Variants in DTNA observed in about 807,000 individuals in gnomAD.
The protein encoded by DTNA is dystrophin-related protein 3.
Under a neutral mutation model 100.7 loss-of-function variants are expected in DTNA, and 43 were observed. The observed-to-expected ratio is 0.43, with a 90% CI of 0.33 to 0.55. The LOEUF is 0.55. Ranked by LOEUF, DTNA falls within the 20% of genes least tolerant of loss-of-function variation. The pLI is 0.04. For synonymous variants in DTNA, 349 were observed against 347.9 expected, an observed-to-expected ratio of 1.00 and a Z score of -0.04; for missense variants, 798 against 953.9, an observed-to-expected ratio of 0.84 and a Z score of 2.15.
At chr18:34,801,487 A>G (rs2095209156) in intron 4 of DTNA, among the ~76,000 whole-genome samples, 1 of 150,344 alleles carries the variant, frequency 6.7e-6, no homozygotes, top group African/African-American at 2.4e-5. Flanking sequence ...ACAAAATACT[A>G]TTATTTTATT....
At chr18:34,712,096 C>G (rs1324412479) in intron 1 of DTNA, among the ~76,000 whole-genome samples, 1 of 151,556 alleles carries the variant, frequency 6.6e-6, no homozygotes, top group Non-Finnish European at 1.5e-5. Context: ...CTGACAATAT[C>G]TGAGGTAGAA....
At chr18:34,852,934 G>A (rs1206265562) in intron 15 of DTNA, among the ~76,000 whole-genome samples, 4 of 152,174 alleles carry the variant, frequency 2.6e-5, no homozygotes, top group African/African-American at 7.2e-5. Context: ...AAATAATCAT[G>A]TGTGTTTGTT....
intron 3 of DTNA, among the ~76,000 whole-genome samples, chr18:34,780,481 A>G (rs997542438): frequency 2.0e-5 from 3 of 152,252 alleles, no homozygotes; most frequent in Non-Finnish European, 2.9e-5. Flanking sequence ...TTACTTTCTC[A>G]GAAAAATAAT....
intron 1 of DTNA, among the ~76,000 whole-genome samples, chr18:34,735,336 C>A (rs1032812288): frequency 1.2e-4 from 18 of 152,148 alleles, no homozygotes; most frequent in African/African-American, 4.3e-4. Context: ...ATTTTGGCAG[C>A]ACCCTTGCAG....
At chr18:34,831,868 CA>C (rs2096019090) in intron 11 of DTNA, among the ~76,000 whole-genome samples, 1 of 152,206 alleles carries the variant, frequency 6.6e-6, no homozygotes, top group African/African-American at 2.4e-5. Context: ...CCAAGAGGAG[CA>C]GAAATTGTGA....
intron 5 of DTNA, among the ~76,000 whole-genome samples, chr18:34,807,562 A>G (rs1193070099): frequency 6.6e-6 from 1 of 152,130 alleles, no homozygotes; most frequent in South Asian, 2.1e-4. Context: ...TGTTCCTTTG[A>G]AATTTCCCTG....
chr18:34,695,496 G>T (rs2080399122), intron 1 of DTNA, among the ~76,000 whole-genome samples: 2 of 152,238 alleles, frequency 1.3e-5, no homozygotes, highest in South Asian at 4.1e-4. Context: ...GTAACCAGTG[G>T]AGGCGCTAAC....
At chr18:34,523,805 G>A (rs2042361601) in intron 1 of DTNA, among the ~76,000 whole-genome samples, 1 of 152,172 alleles carries the variant, frequency 6.6e-6, no homozygotes, top group Admixed American at 6.5e-5. Flanking sequence ...ACAATATCTA[G>A]TGATGGCTTT....
At chr18:34,870,391 A>G (rs2096753448) in intron 17 of DTNA, among the ~76,000 whole-genome samples, 1 of 152,074 alleles carries the variant, frequency 6.6e-6, no homozygotes, top group Non-Finnish European at 1.5e-5. Context: ...GGCTTTTCCT[A>G]GCTCATCCTC....
chr18:34,580,630 A>G (rs2048523647), intron 1 of DTNA, among the ~76,000 whole-genome samples: 1 of 152,188 alleles, frequency 6.6e-6, no homozygotes, highest in Admixed American at 6.5e-5. Context: ...TGCCTCAGAG[A>G]TGTCTGCGTA....
chr18:34,823,479 C>A (rs577149335), intron 9 of DTNA, among the ~76,000 whole-genome samples: 2 of 152,120 alleles, frequency 1.3e-5, no homozygotes, highest in South Asian at 4.1e-4. Flanking sequence ...CCACTTAATG[C>A]GCTTAATTTA....
chr18:34,711,272 A>G (rs1363307286), intron 1 of DTNA, among the ~76,000 whole-genome samples: 2 of 152,198 alleles, frequency 1.3e-5, no homozygotes, highest in Admixed American at 1.3e-4. Flanking sequence ...GTACACACAG[A>G]GCAAGTTAAA....
rs112092342 is a variant in DTNA at position 34,772,536 on chromosome 18, G to T, written c.148+6495G>T. Among the ~76,000 whole-genome samples the T allele has an allele frequency of 6.7e-3, 1,010 of 151,106 alleles. 16 individuals are homozygous for T. The highest frequency in any genetic ancestry group is 0.023 in the African/African-American group (950 of 41,340). On this transcript the variant is annotated intron_variant, in intron 3 of 22. Transcript: ENST00000444659. ...CACTAGATTCATTTCTCACCAGTCA[G>T]GTGACTAGAAGAACGCTGGTCTTAT...
intron 1 of DTNA, among the ~76,000 whole-genome samples, chr18:34,698,761 A>C (rs368233166): frequency 1.1e-4 from 17 of 152,090 alleles, no homozygotes; most frequent in East Asian, 9.6e-4. Context: ...CAGAAGACTA[A>C]AACAGTCTAA....
intron 1 of DTNA, among the ~76,000 whole-genome samples, chr18:34,514,820 C>G (rs889930138): frequency 6.6e-6 from 1 of 151,934 alleles, no homozygotes; most frequent in Admixed American, 6.6e-5. Flanking sequence ...AAGGTTTTGT[C>G]CTCATGACCT....
chr18:34,562,736 G>A lies in DTNA; in HGVS notation c.-2+69222G>A, dbSNP rs558409695. Among the ~76,000 whole-genome samples the A allele has an allele frequency of 8.5e-5, 13 of 152,236 alleles. No individual in the cohort carries two copies. In the South Asian group the frequency reaches 2.5e-3, roughly 29 times the overall value. ...TATCTAACTCTGAGGGTGAGGCCCA[G>A]CAAATCTGTATTTTAACAAGCCTCC... is the stretch of plus-strand genomic sequence containing the variant. On this transcript the variant is annotated intron_variant, in intron 1 of 19. Transcript: ENST00000283365.
chr18:34,497,025 T>C (rs898696687), intron 1 of DTNA, among the ~76,000 whole-genome samples: 1 of 152,198 alleles, frequency 6.6e-6, no homozygotes, highest in African/African-American at 2.4e-5. Flanking sequence ...TTAAAGCACA[T>C]GGAACATGTG....
At chr18:34,809,123 T>C (rs768719912) in intron 5 of DTNA, among the ~76,000 whole-genome samples, 9 of 152,234 alleles carry the variant, frequency 5.9e-5, no homozygotes, top group Non-Finnish European at 8.8e-5. Context: ...TAGTCAAAAA[T>C]GAATATCCTG....
intron 1 of DTNA, among the ~76,000 whole-genome samples, chr18:34,615,117 C>A (rs2054990064): frequency 6.6e-6 from 1 of 152,152 alleles, no homozygotes; most frequent in Admixed American, 6.5e-5. Flanking sequence ...GTGCTGACAC[C>A]TGCTTAGCTT....
Sources: gnomAD v4.1 joint callset for allele counts (sites outside exome capture counted in the v4.1 genomes callset) on GRCh38, gnomAD v4.1.1 for gene constraint, MANE v1.5 for transcripts, NCBI Gene and HGNC (gene_info 2026-07-23, HGNC 2026-07-21) for gene names.